Variants in MAPK10 observed in about 807,000 individuals in gnomAD.
The protein encoded by MAPK10 is mitogen-activated protein kinase 10, also known as JNK3 alpha protein kinase.
Under a neutral mutation model 59.3 loss-of-function variants are expected in MAPK10, and 25 were observed. The ratio of observed to expected loss-of-function variants is 0.42; its 90% CI spans 0.31 to 0.59. The LOEUF (loss-of-function observed/expected upper bound fraction) is 0.59, where lower values mean the gene tolerates loss of function less well. Ranked by LOEUF, MAPK10 falls within the 20% of genes least tolerant of loss-of-function variation. MAPK10 has a pLI of 0.15. For synonymous variants in MAPK10, 190 were observed against 200.5 expected (o/e 0.95, Z 0.44); for missense variants, 351 against 568.9 (o/e 0.62, Z 3.90).
intron 1 of MAPK10, among the ~76,000 whole-genome samples, chr4:86,480,184 G>A (rs1428960233): frequency 1.3e-5 from 2 of 152,096 alleles, no homozygotes; most frequent in African/African-American, 4.8e-5. Flanking sequence ...GCCTGTTCCT[G>A]CCTTAACTGA....
chr4:86,494,739 A>G lies in MAPK10; in HGVS notation c.-263+99171T>C, dbSNP rs1754731771. ...GTGCCTGCAGTCCCAGCTACTCAGG[A>G]GGCTGAGGCAGGAGAATGGCGTGAA... is the stretch of plus-strand genomic sequence containing the variant. On this transcript the variant is annotated intron_variant, in intron 1 of 4. Coordinates refer to the MAPK10 transcript ENST00000502302. Among the ~76,000 whole-genome samples the G allele has an allele frequency of 2.0e-5, 3 of 149,072 alleles. No individual in the cohort carries two copies. In the South Asian group the frequency reaches 6.5e-4, roughly 32 times the overall value.
chr4:86,197,508 C>T (rs2081608256), intron 2 of MAPK10, among the ~76,000 whole-genome samples: 4 of 152,046 alleles, frequency 2.6e-5, no homozygotes, highest in Admixed American at 2.6e-4. Context: ...TCTGCAAACA[C>T]AGACAATTTG....
chr4:86,354,826 G>A (rs577666099), intron 1 of MAPK10, among the ~76,000 whole-genome samples, 182 bp from the exon 2 acceptor site: 1 of 152,276 alleles, frequency 6.6e-6, no homozygotes, highest in African/African-American at 2.4e-5. Context: ...GAACTTTGAT[G>A]TTATAATACC....
In MAPK10 at chr4:86,012,609, C is replaced by A. The variant is rs1741699985; in HGVS notation, c.*4619G>T. On this transcript the variant is annotated 3_prime_UTR_variant, in exon 14 of 14. Transcript: ENST00000641462. ...CAGAAGTTCTCCCCCGATTCATCCTCTTGTTCCACAGACATTTTGAAAATA... is the reference window on the plus strand; with the variant it reads ...CAGAAGTTCTCCCCCGATTCATCCTATTGTTCCACAGACATTTTGAAAATA... 6.6e-6 allele frequency: 1 copy of A among 152,192 alleles called. No individual in the cohort carries two copies. 9.4% of individuals were successfully genotyped at this position (152,192 alleles called of 1,614,324 possible).
At chr4:86,460,282 C>A (rs534588769) in intron 1 of MAPK10, among the ~76,000 whole-genome samples, 7 of 152,214 alleles carry the variant, frequency 4.6e-5, no homozygotes, top group African/African-American at 1.7e-4. Context: ...AGACATGAAA[C>A]AGGGACTCAA....
intron 9 of MAPK10, chr4:86,081,444 A>G (rs1160400884): frequency 2.6e-5 from 4 of 152,036 alleles, no homozygotes; most frequent in Non-Finnish European, 4.4e-5. Context: ...TTTGCAACAC[A>G]TAAAACTCAC....
chr4:86,548,516 G>C (rs954779529), intron 1 of MAPK10, among the ~76,000 whole-genome samples: 6 of 152,146 alleles, frequency 3.9e-5, no homozygotes, highest in Non-Finnish European at 4.4e-5. Flanking sequence ...CTCCAGGGCT[G>C]GAGGTGGGGT....
chr4:86,581,379 T>C (rs1762250694), intron 1 of MAPK10, among the ~76,000 whole-genome samples: 1 of 152,114 alleles, frequency 6.6e-6, no homozygotes, highest in African/African-American at 2.4e-5. Context: ...ATAACTACCA[T>C]AGGCAAAGCA....
intron 1 of MAPK10, among the ~76,000 whole-genome samples, chr4:86,460,840 T>TA (rs1213075543): frequency 6.6e-6 from 1 of 152,222 alleles, no homozygotes; most frequent in Non-Finnish European, 1.5e-5. Context: ...AGTTAATCTA[T>TA]AATCTATAGA....
At chr4:86,234,794 G>T (rs1393519567) in intron 2 of MAPK10, among the ~76,000 whole-genome samples, 2 of 151,990 alleles carry the variant, frequency 1.3e-5, no homozygotes, top group Non-Finnish European at 2.9e-5. Context: ...TTTAAATTCA[G>T]GGGAAACTTA....
At chr4:86,023,699 A>G (rs1015273973) in intron 13 of MAPK10, among the ~76,000 whole-genome samples, 2 of 151,354 alleles carry the variant, frequency 1.3e-5, no homozygotes, top group Admixed American at 1.3e-4. Flanking sequence ...TGCTATTCTA[A>G]ATGGAATTGT....
At chr4:86,059,872 C>T (rs1180934168) in intron 11 of MAPK10, among the ~76,000 whole-genome samples, 1 of 152,140 alleles carries the variant, frequency 6.6e-6, no homozygotes, top group Non-Finnish European at 1.5e-5. Context: ...TTGGCTGCCA[C>T]ACAGAAGGCC....
rs1741524946 is a variant in MAPK10, at chr4:86,012,173, C to A, written c.*5055G>T. Reference sequence around the variant, plus strand: ...AAGAAATTACTGAATTGCAGATATACAACTAGTATCTACAGACAGAAATGA... The same window carrying A: ...AAGAAATTACTGAATTGCAGATATAAAACTAGTATCTACAGACAGAAATGA... On this transcript the variant is annotated 3_prime_UTR_variant, in exon 14 of 14. Coordinates refer to ENST00000641462, the MANE Select transcript of MAPK10 (RefSeq NM_138982.4). 1 of 152,114 alleles carries A rather than the reference C, an allele frequency of 6.6e-6. No homozygotes were observed. The highest frequency in any genetic ancestry group is 1.5e-5 in the Non-Finnish European group (1 of 68,008). The allele number at this position is 152,114 out of a possible 1,614,324, so 9.4% of individuals were successfully genotyped here. A position where few individuals can be genotyped will look rare whatever the true frequency, so the allele number is the denominator to read the frequency against.
At chr4:86,387,900 GTTAC>G (rs1167045410) in intron 1 of MAPK10, among the ~76,000 whole-genome samples, 2 of 151,538 alleles carry the variant, frequency 1.3e-5, no homozygotes, top group African/African-American at 4.8e-5. Flanking sequence ...CTTTAAGACA[GTTAC>G]TTAGAGTAGC....
At chr4:86,555,514 G>T (rs969519232) in intron 1 of MAPK10, among the ~76,000 whole-genome samples, 1 of 152,142 alleles carries the variant, frequency 6.6e-6, no homozygotes, top group Non-Finnish European at 1.5e-5. Flanking sequence ...CTTGAATATG[G>T]TTGAATAAAT....
chr4:86,141,311 G>A (rs2063593576), intron 4 of MAPK10, among the ~76,000 whole-genome samples: 1 of 152,144 alleles, frequency 6.6e-6, no homozygotes, highest in Admixed American at 6.5e-5. Context: ...GCTGAACAAG[G>A]CACAAAGAGC....
chr4:86,317,658 C>G (rs1488720647), intron 2 of MAPK10, among the ~76,000 whole-genome samples: 1 of 152,156 alleles, frequency 6.6e-6, no homozygotes, highest in African/African-American at 2.4e-5. Context: ...TGAGCAGGTG[C>G]TAAATACTCA....
At chr4:86,539,243 GA>G (rs538266356) in intron 1 of MAPK10, among the ~76,000 whole-genome samples, 6 of 151,648 alleles carry the variant, frequency 4.0e-5, no homozygotes, top group Admixed American at 6.6e-5. Flanking sequence ...AGGGCATCCA[GA>G]AAAAAAAGAT....
chr4:86,577,629 C>T (rs895906290), intron 1 of MAPK10, among the ~76,000 whole-genome samples: 1 of 151,938 alleles, frequency 6.6e-6, no homozygotes, highest in Non-Finnish European at 1.5e-5. Context: ...ACACAGAAAA[C>T]CAAGCAAGCA....
Sources: allele counts gnomAD v4.1 joint callset (sites outside exome capture counted in the v4.1 genomes callset), GRCh38; gene constraint gnomAD v4.1.1; transcripts MANE v1.5; gene names NCBI Gene and HGNC (gene_info 2026-07-23, HGNC 2026-07-21).